Variants in RIC1 observed in about 807,000 individuals in gnomAD.
The protein encoded by RIC1 is guanine nucleotide exchange factor subunit RIC1.
In RIC1, 88 loss-of-function variants were observed where a neutral mutation model predicts 169.0. That is an observed-to-expected ratio of 0.52 (90% CI 0.44 to 0.62). The LOEUF is 0.62. Ranked by LOEUF, RIC1 falls within the 20% of genes least tolerant of loss-of-function variation. The pLI, the probability that RIC1 is intolerant of heterozygous loss-of-function variation, is 0.00. For missense variants in RIC1, 1,877 were observed against 1,725.5 expected, an observed-to-expected ratio of 1.09 and a Z score of -1.56; for synonymous variants, 790 against 601.5, an observed-to-expected ratio of 1.31 and a Z score of -4.59.
intron 16 of RIC1, among the ~76,000 whole-genome samples, chr9:5,756,926 A>C (rs980825845): frequency 5.3e-5 from 8 of 152,182 alleles, no homozygotes; most frequent in Non-Finnish European, 1.2e-4. Flanking sequence ...GGTTAATTGA[A>C]GTATGTATTT....
At chr9:5,746,701 ATAT>A (rs552081833) in intron 11 of RIC1, among the ~76,000 whole-genome samples, 208 of 152,302 alleles carry the variant, frequency 1.4e-3, no homozygotes, top group Non-Finnish European at 2.4e-3. Flanking sequence ...GTGTATACTA[ATAT>A]TATTATATAT....
At position 5,731,145 on chromosome 9, in the gene RIC1, C is replaced by T. The variant is rs555442173; in HGVS notation, c.721-1243C>T. On this transcript the variant is annotated intron_variant, in intron 6 of 25. Transcript: ENST00000414202. Reference sequence around the variant, plus strand: ...TCCAGTATTCAATATACTTTTTTAACTTGTCTGTCTCTTGACTCAAATGTA... The same window carrying T: ...TCCAGTATTCAATATACTTTTTTAATTTGTCTGTCTCTTGACTCAAATGTA... Among the ~76,000 whole-genome samples, 357 of 152,054 alleles carry T rather than the reference C, an allele frequency of 2.3e-3. 1 individual carries two copies. Among genetic ancestry groups the T allele is most frequent in the African/African-American group, 8.2e-3 (339 of 41,500 alleles).
intron 15 of RIC1, among the ~76,000 whole-genome samples, chr9:5,755,625 T>G (rs1825963384): frequency 6.6e-6 from 1 of 152,150 alleles, no homozygotes; most frequent in South Asian, 2.1e-4. Flanking sequence ...GTATCAGGTC[T>G]AAATCTGCAG....
In RIC1 at chr9:5,641,930, T is replaced by G. The variant is rs547871765; in HGVS notation, c.144+12477T>G. On this transcript the variant is annotated intron_variant, in intron 1 of 25. Coordinates refer to ENST00000414202, the MANE Select transcript of RIC1 (RefSeq NM_020829.4). ...TTTCCAGGATTGGTCCCTGCCTTACTTAGTTCATTTGGTGGGGTCATGTTT... is the reference window on the plus strand; with the variant it reads ...TTTCCAGGATTGGTCCCTGCCTTACGTAGTTCATTTGGTGGGGTCATGTTT... Among the ~76,000 whole-genome samples the G allele has an allele frequency of 4.2e-5, 6 of 144,536 alleles. No individual in the cohort carries two copies. In the East Asian group the frequency reaches 1.2e-3, roughly 28 times the overall value. 94.8% of individuals were successfully genotyped at this position (144,536 alleles called of 152,430 possible).
intron 11 of RIC1, 84 bp downstream of exon 11, chr9:5,746,167 A>G: frequency 1.0e-6 from 1 of 988,342 alleles, no homozygotes; most frequent in Non-Finnish European, 1.4e-6. Context: ...TATGGCGTAT[A>G]CTTCTAAAAT....
chr9:5,695,919 C>T (rs948545262), intron 3 of RIC1, among the ~76,000 whole-genome samples: 4 of 151,378 alleles, frequency 2.6e-5, no homozygotes, highest in African/African-American at 9.8e-5. Flanking sequence ...CACTCACTTA[C>T]CCCCTGCCAA....
intron 11 of RIC1, among the ~76,000 whole-genome samples, chr9:5,746,412 G>T (rs1825379207): frequency 6.6e-6 from 1 of 152,064 alleles, no homozygotes; most frequent in Admixed American, 6.6e-5. Flanking sequence ...ACTTATGAGA[G>T]ATATTAGTAG....
chr9:5,740,327 A>G (rs1018732784), intron 8 of RIC1, among the ~76,000 whole-genome samples: 2 of 152,088 alleles, frequency 1.3e-5, no homozygotes, highest in Non-Finnish European at 2.9e-5. Context: ...GTCTAATGAT[A>G]TTAGGCAGCC....
At chr9:5,771,879 G>C (rs1343747172) in intron 23 of RIC1, among the ~76,000 whole-genome samples, 2 of 152,038 alleles carry the variant, frequency 1.3e-5, no homozygotes, top group African/African-American at 4.8e-5. Context: ...CCCCACTCTT[G>C]TATTAACTGA....
intron 3 of RIC1, among the ~76,000 whole-genome samples, chr9:5,694,835 G>C (rs191825687): frequency 4.6e-5 from 7 of 151,608 alleles, no homozygotes; most frequent in African/African-American, 1.2e-4. Context: ...TGGTGAAAGG[G>C]TACTACGTCT....
chr9:5,680,555 C>G (rs1226934854), intron 2 of RIC1, among the ~76,000 whole-genome samples: 2 of 152,098 alleles, frequency 1.3e-5, no homozygotes, highest in Non-Finnish European at 2.9e-5. Flanking sequence ...CTGCTTCTTC[C>G]TGGTTTAGTC....
chr9:5,703,172 G>A (rs542946650), intron 3 of RIC1, among the ~76,000 whole-genome samples: 1 of 152,230 alleles, frequency 6.6e-6, no homozygotes, highest in South Asian at 2.1e-4. Context: ...TTCTGCCTAT[G>A]AGCCTGTAAA....
intron 10 of RIC1, 45 bp downstream of exon 10, chr9:5,743,782 G>T: frequency 7.3e-7 from 1 of 1,375,710 alleles, no homozygotes; most frequent in Non-Finnish European, 1.0e-6. Context: ...AAAAAAACTT[G>T]GATTTTTCTT....
chr9:5,729,927 T>A (rs370345790), intron 6 of RIC1, among the ~76,000 whole-genome samples: 1 of 152,070 alleles, frequency 6.6e-6, no homozygotes, highest in East Asian at 1.9e-4. Flanking sequence ...AATAAAAATA[T>A]TAGAGCTGAA....
At chr9:5,740,883 CTA>C (rs1825045840) in intron 8 of RIC1, among the ~76,000 whole-genome samples, 1 of 152,108 alleles carries the variant, frequency 6.6e-6, no homozygotes, top group South Asian at 2.1e-4. Flanking sequence ...GGATATTTAA[CTA>C]TTCATGTTGA....
chr9:5,650,804 T>G (rs1205052180), intron 1 of RIC1, among the ~76,000 whole-genome samples: 1 of 152,164 alleles, frequency 6.6e-6, no homozygotes, highest in African/African-American at 2.4e-5. Flanking sequence ...TGCACTTGCC[T>G]GTTCTCCACA....
chr9:5,720,781 G>C (rs752725545), intron 6 of RIC1, 31 bp downstream of exon 6: 17 of 1,531,932 alleles, frequency 1.1e-5, no homozygotes, highest in African/African-American at 2.8e-5. Context: ...AGGGTTTTTT[G>C]TTATTGTGTA....
At chr9:5,751,030 T>TA (rs1271175665) in intron 12 of RIC1, among the ~76,000 whole-genome samples, 2 of 151,892 alleles carry the variant, frequency 1.3e-5, no homozygotes, top group Admixed American at 6.5e-5. Context: ...ATATTGATCA[T>TA]AGTGTGATCA....
chr9:5,664,241 C>T lies in RIC1; in HGVS notation c.252+7551C>T, dbSNP rs556778094. 3.9e-5 allele frequency among the ~76,000 whole-genome samples: 6 copies of T among 152,194 alleles called. No homozygotes were observed. In the East Asian group the frequency reaches 1.2e-3, roughly 29 times the overall value. ...TGGCCAACATTGTGAAAAACCCCAT[C>T]TCTACTAAAAATACAAAAATAATTA... is the stretch of plus-strand genomic sequence containing the variant. On this transcript the variant is annotated intron_variant, in intron 2 of 25. Transcript: ENST00000414202.
Sources: allele counts gnomAD v4.1 joint callset (sites outside exome capture counted in the v4.1 genomes callset), GRCh38; gene constraint gnomAD v4.1.1; transcripts MANE v1.5; gene names NCBI Gene and HGNC (gene_info 2026-07-23, HGNC 2026-07-21).